Variants in TBC1D22A observed in about 807,000 individuals in gnomAD.
TBC1D22A encodes putative GTPase activator.
TBC1D22A carries 38 observed loss-of-function variants against 60.2 expected under a neutral mutation model. That is an observed-to-expected ratio of 0.63 (90% CI 0.49 to 0.83). The LOEUF is 0.83. Ranked by LOEUF, TBC1D22A falls within the 40% of genes least tolerant of loss-of-function variation. The pLI is 0.00. For missense variants in TBC1D22A, 628 were observed against 701.0 expected, an observed-to-expected ratio of 0.90 and a Z score of 1.18; for synonymous variants, 302 against 281.7, an observed-to-expected ratio of 1.07 and a Z score of -0.72.
intron 10 of TBC1D22A, among the ~76,000 whole-genome samples, chr22:47,031,596 G>C (rs1319338480): frequency 6.6e-6 from 1 of 152,338 alleles, no homozygotes; most frequent in South Asian, 2.1e-4. Context: ...GAGATGCAAG[G>C]GTGGGTCCAT....
At chr22:47,059,762 A>G (rs1243272477) in intron 11 of TBC1D22A, among the ~76,000 whole-genome samples, 1 of 152,192 alleles carries the variant, frequency 6.6e-6, no homozygotes, top group Non-Finnish European at 1.5e-5. Flanking sequence ...GGTCTGAGCC[A>G]GCACATGTTT....
intron 11 of TBC1D22A, among the ~76,000 whole-genome samples, chr22:47,069,054 G>T (rs1011587010): frequency 1.3e-5 from 2 of 152,084 alleles, no homozygotes; most frequent in South Asian, 2.1e-4. Flanking sequence ...ATCACTTGGG[G>T]CTGTTTTTCA....
intron 4 of TBC1D22A, among the ~76,000 whole-genome samples, chr22:46,800,032 G>T (rs1208042916): frequency 1.3e-5 from 2 of 152,138 alleles, no homozygotes; most frequent in Non-Finnish European, 2.9e-5. Flanking sequence ...CAAGGCAGTT[G>T]TGCACCTCAC....
At chr22:46,853,489 G>A (rs1366976247) in intron 4 of TBC1D22A, among the ~76,000 whole-genome samples, 1 of 152,042 alleles carries the variant, frequency 6.6e-6, no homozygotes, top group African/African-American at 2.4e-5. Context: ...GACTCTTTCG[G>A]GGGCTTCCTC....
chr22:46,770,216 G>A (rs1215130123), intron 1 of TBC1D22A, among the ~76,000 whole-genome samples: 1 of 152,156 alleles, frequency 6.6e-6, no homozygotes, highest in African/African-American at 2.4e-5. Flanking sequence ...GGAATGTGGC[G>A]CGGCTTCTAG....
rs181483099 is a variant in TBC1D22A at position 47,156,030 on chromosome 22, T to G, written c.1426-17468T>G. On this transcript the variant is annotated intron_variant, in intron 12 of 12. Transcript: ENST00000337137. ...TGTGACACCGGGTTCATCAAGTGCC[T>G]CCCACTCAGCCCCTCCCCCTGCTGG... Among the ~76,000 whole-genome samples the G allele has an allele frequency of 1.2e-4, 18 of 152,060 alleles. No individual in the cohort carries two copies. The East Asian group carries it at 1.7e-3, about 15-fold the overall frequency.
intron 12 of TBC1D22A, among the ~76,000 whole-genome samples, chr22:47,136,295 G>T (rs1486599406): frequency 6.6e-6 from 1 of 152,198 alleles, no homozygotes; most frequent in Non-Finnish European, 1.5e-5. Context: ...CCCTTTGGTG[G>T]ACTTGGCTAC....
intron 10 of TBC1D22A, among the ~76,000 whole-genome samples, chr22:47,024,161 G>C (rs2062176651): frequency 6.6e-6 from 1 of 152,126 alleles, no homozygotes; most frequent in South Asian, 2.1e-4. Flanking sequence ...ACTGTGGTAA[G>C]GCAGGGACAC....
At chr22:46,919,482 A>G (rs150346159) in intron 8 of TBC1D22A, among the ~76,000 whole-genome samples, 1,685 of 152,334 alleles carry the variant, frequency 0.011, 40 homozygotes, top group African/African-American at 0.038. Flanking sequence ...ACTAACAGGA[A>G]TAACGTTGCT....
chr22:46,969,718 T>C (rs764337335), intron 8 of TBC1D22A, among the ~76,000 whole-genome samples: 3 of 152,102 alleles, frequency 2.0e-5, no homozygotes, highest in Admixed American at 6.5e-5. Context: ...CCTTGCGGGC[T>C]CTTTGGGGTC....
intron 12 of TBC1D22A, among the ~76,000 whole-genome samples, chr22:47,121,659 G>A (rs1266653480): frequency 6.6e-6 from 1 of 151,898 alleles, no homozygotes; most frequent in African/African-American, 2.4e-5. Flanking sequence ...GTGCTAGCCT[G>A]ACTTAGTTTT....
chr22:46,806,998 A>G (rs1263378886), intron 4 of TBC1D22A, among the ~76,000 whole-genome samples: 1 of 152,228 alleles, frequency 6.6e-6, no homozygotes, highest in African/African-American at 2.4e-5. Flanking sequence ...TGGATACTCT[A>G]GTATTATGGG....
At chr22:46,857,086 G>C (rs1016333372) in intron 4 of TBC1D22A, among the ~76,000 whole-genome samples, 4 of 152,260 alleles carry the variant, frequency 2.6e-5, no homozygotes, top group African/African-American at 7.2e-5. Context: ...GGGTGCCGTG[G>C]TCATCATTGG....
intron 1 of TBC1D22A, among the ~76,000 whole-genome samples, chr22:46,775,888 TCA>T (rs2083683408): frequency 6.6e-6 from 1 of 152,216 alleles, no homozygotes; most frequent in Non-Finnish European, 1.5e-5. Context: ...GCTTAATCAT[TCA>T]CACACGTGCA....
At chr22:46,796,067 A>G (rs1569045655) in intron 3 of TBC1D22A, among the ~76,000 whole-genome samples, 1 of 152,120 alleles carries the variant, frequency 6.6e-6, no homozygotes, top group Non-Finnish European at 1.5e-5. Flanking sequence ...GCCCCAGCCC[A>G]CTGCTTGGTG....
At chr22:46,797,306 A>T in intron 3 of TBC1D22A, 138 bp from the exon 4 acceptor site, 1 of 920,054 alleles carries the variant, frequency 1.1e-6, no homozygotes, top group Non-Finnish European at 1.7e-6. Context: ...TTATTGCTCA[A>T]GAAACCAAGG....
At chr22:46,813,024 G>A (rs1364752810) in intron 4 of TBC1D22A, among the ~76,000 whole-genome samples, 2 of 152,098 alleles carry the variant, frequency 1.3e-5, no homozygotes, top group Non-Finnish European at 2.9e-5. Context: ...CCCTTGGTCC[G>A]CTCTTTGTCT....
At chr22:46,956,855 A>G (rs1362654965) in intron 8 of TBC1D22A, among the ~76,000 whole-genome samples, 2 of 152,230 alleles carry the variant, frequency 1.3e-5, no homozygotes, top group Non-Finnish European at 2.9e-5. Context: ...ACTGTTGAGC[A>G]CAGACTTTCC....
At chr22:47,172,652 T>C (rs529881752) in intron 12 of TBC1D22A, among the ~76,000 whole-genome samples, 4 of 152,358 alleles carry the variant, frequency 2.6e-5, no homozygotes, top group Middle Eastern at 3.4e-3. Flanking sequence ...CTGGAATTAA[T>C]TTTTAAATCT....
Sources: allele counts gnomAD v4.1 joint callset (sites outside exome capture counted in the v4.1 genomes callset), GRCh38; gene constraint gnomAD v4.1.1; transcripts MANE v1.5; gene names NCBI Gene and HGNC (gene_info 2026-07-23, HGNC 2026-07-21).